Variants in CFHR4 observed in about 807,000 individuals in gnomAD.
CFHR4 encodes complement factor H-related protein 4.
A neutral mutation model predicts 69.3 loss-of-function variants in CFHR4; 64 were observed. That is an observed-to-expected ratio of 0.92 (90% CI 0.76 to 1.14). The LOEUF is 1.14. Among genes scored for constraint, CFHR4 ranks in the 50% most tolerant of loss-of-function variants. The pLI is 0.00. For synonymous variants in CFHR4, 244 were observed against 237.0 expected, an observed-to-expected ratio of 1.03 and a Z score of -0.27; for missense variants, 636 against 684.9, an observed-to-expected ratio of 0.93 and a Z score of 0.80.
chr1:196,907,494 C>T lies in CFHR4; in HGVS notation c.795C>T (p.Cys265=), dbSNP rs185902350. 3.5e-4 allele frequency: 569 copies of T among 1,606,262 alleles called. 23 individuals carry two copies. The African/African-American group carries it at 6.8e-3, about 19-fold the overall frequency. ...GAGACTGGTCAGAACCACCAAGATG[C>T]ATATGTAAGTTCTTAATATTCTGGA... ...SNGDWSEPPR[C]ISMKPCEFPE... Residue 265 remains cysteine, a synonymous_variant, in exon 5 of 10, where the codon TGC becomes TGT. Transcript: ENST00000608469.
rs190972894 is a variant in CFHR4 at position 196,913,427 on chromosome 1, T to C, written c.1180+505T>C. On this transcript the variant is annotated intron_variant, in intron 7 of 9. Coordinates refer to ENST00000608469, the MANE Select transcript of CFHR4 (RefSeq NM_001201550.3). The stretch of plus-strand genomic sequence containing the variant: ...GGATATCCAATCAAAAAATTATCTC[T>C]ACCCTATTGTTTACTACAGAGAAAA... Among the ~76,000 whole-genome samples the C allele has an allele frequency of 3.3e-3, 502 of 151,474 alleles. 18 individuals are homozygous for C. The highest frequency in any genetic ancestry group is 0.011 in the African/African-American group (469 of 41,140).
At chr1:196,897,549 T>C (rs1657368045) in intron 1 of CFHR4, among the ~76,000 whole-genome samples, 1 of 151,274 alleles carries the variant, frequency 6.6e-6, no homozygotes, top group South Asian at 2.1e-4. Context: ...TGGCGGTGGT[T>C]CTCAGCAAGT....
intron 5 of CFHR4, among the ~76,000 whole-genome samples, chr1:196,909,773 C>A (rs528576358): frequency 6.6e-6 from 1 of 151,310 alleles, no homozygotes; most frequent in Non-Finnish European, 1.5e-5. Context: ...CACCATGGCA[C>A]ACATTTACCT....
Position 196,912,943 on chromosome 1 carries a change from C to T in CFHR4, c.1180+21C>T, listed in dbSNP as rs1571448006. The T allele has an allele frequency of 5.0e-6, 8 of 1,610,588 alleles. No homozygotes were observed. In the East Asian group the frequency reaches 9.0e-5, roughly 18 times the overall value. On this transcript the variant is annotated intron_variant, in intron 7 of 9. Coordinates refer to ENST00000608469, the MANE Select transcript of CFHR4 (RefSeq NM_001201550.3). ...CATTAGTAAGTGATTTACATATTCCCATTCAGTTTCTGTCAACTTCGTTCC... is the reference window on the plus strand; with the variant it reads ...CATTAGTAAGTGATTTACATATTCCTATTCAGTTTCTGTCAACTTCGTTCC...
chr1:196,896,303 C>T (rs967249642), intron 1 of CFHR4, among the ~76,000 whole-genome samples: 1 of 151,136 alleles, frequency 6.6e-6, no homozygotes, highest in Non-Finnish European at 1.5e-5. Flanking sequence ...AGGTTGTCTC[C>T]AGTGTTTTCC....
chr1:196,902,518 C>T lies in CFHR4; in HGVS notation c.159C>T (p.Ser53=), dbSNP rs78951215. Residue 53 remains serine (S), a synonymous_variant, in exon 2 of 10, where the codon TCC becomes TCT. Transcript: ENST00000608469. ...CAGCAGCTGCAGGACAATCTTATTC[C>T]TATTACTGTGATCAAAATTTTGTGA... ...YFPAAAGQSY[S]YYCDQNFVTP... 1.3e-3 allele frequency: 2,023 copies of T among 1,611,046 alleles called. 87 individuals are homozygous for T. The African/African-American group carries it at 0.025, about 20-fold the overall frequency.
rs185107528 is a variant in CFHR4, at chr1:196,914,532, C to G, written c.1218C>G (p.Ala406=). The change falls in exon 8 of 10, where the codon GCC becomes GCG. Residue 406 remains alanine (A), a synonymous_variant. Coordinates refer to ENST00000608469, the MANE Select transcript of CFHR4 (RefSeq NM_001201550.3). ...TGCCTGTTTTTGAGAATTCCAGAGC[C>G]AAGAGTAATGGCATGCGGTTTAAGC... is the stretch of plus-strand genomic sequence containing the variant. ...CDMPVFENSR[A]KSNGMRFKLH... 10 of 1,606,434 alleles carry G rather than the reference C, an allele frequency of 6.2e-6. No individual in the cohort carries two copies. In the African/African-American group the frequency reaches 1.1e-4, roughly 17 times the overall value.
At chr1:196,913,823 G>A (rs1322284656) in intron 7 of CFHR4, among the ~76,000 whole-genome samples, 1 of 151,320 alleles carries the variant, frequency 6.6e-6, no homozygotes, top group African/African-American at 2.4e-5. Flanking sequence ...ACTAGGCTAA[G>A]TGAGAAAAAA....
chr1:196,902,303 A>G lies in CFHR4; in HGVS notation c.59-115A>G, dbSNP rs980665385. 3 of 743,242 alleles carry G rather than the reference A, an allele frequency of 4.0e-6. No homozygotes were observed. The Admixed American group carries it at 8.7e-5, about 22-fold the overall frequency. 46.0% of individuals were successfully genotyped at this position (743,242 alleles called of 1,614,324 possible). A position where few individuals can be genotyped will look rare whatever the true frequency, so the allele number is the denominator to read the frequency against. On this transcript the variant is annotated intron_variant, in intron 1 of 9. Coordinates refer to ENST00000608469, the MANE Select transcript of CFHR4 (RefSeq NM_001201550.3). ...ATTTCTGTAACTTTTCTTGCCCTAAAACCCCTAATTCATTACACTAAGAAG... is the reference window on the plus strand; with the variant it reads ...ATTTCTGTAACTTTTCTTGCCCTAAGACCCCTAATTCATTACACTAAGAAG...
rs759419901 is a variant in CFHR4, at chr1:196,912,733, A to G, written c.998-7A>G. 1.3e-5 allele frequency: 20 copies of G among 1,580,024 alleles called. No individual in the cohort carries two copies. Among genetic ancestry groups the G allele is most frequent in the Non-Finnish European group, 1.5e-5 (18 of 1,164,532 alleles). Reference sequence around the variant, plus strand: ...ATTTACTTTTTTCTCTACTTTTTCTATTTTAGGAACATGCTCAAAATCAGA... The same window carrying G: ...ATTTACTTTTTTCTCTACTTTTTCTGTTTTAGGAACATGCTCAAAATCAGA... On this transcript the variant is annotated splice_polypyrimidine_tract_variant and splice_region_variant and intron_variant, in intron 6 of 9. Coordinates refer to ENST00000608469, the MANE Select transcript of CFHR4 (RefSeq NM_001201550.3).
intron 5 of CFHR4, among the ~76,000 whole-genome samples, chr1:196,908,807 A>C (rs1375002987): frequency 6.6e-6 from 1 of 151,544 alleles, no homozygotes; most frequent in Non-Finnish European, 1.5e-5. Flanking sequence ...CCAAATGCTC[A>C]AGTTCCTAAG....
At chr1:196,898,727 T>A (rs1380744368) in intron 1 of CFHR4, among the ~76,000 whole-genome samples, 2 of 151,544 alleles carry the variant, frequency 1.3e-5, no homozygotes, top group Non-Finnish European at 2.9e-5. Flanking sequence ...ACTTTACTGT[T>A]TAGTTCTGTG....
At position 196,910,308 on chromosome 1, in the gene CFHR4, T is replaced by A. The variant is rs752827321; in HGVS notation, c.827T>A (p.Ile276Asn). The A allele has an allele frequency of 1.2e-6, 2 of 1,601,238 alleles. No individual in the cohort carries two copies. Among genetic ancestry groups the A allele is most frequent in the Non-Finnish European group, 1.7e-6 (2 of 1,173,160 alleles). ...ISMKPCEFPE[I>N]QHGHLYYENT... The stretch of plus-strand genomic sequence containing the variant: ...ATGAAACCTTGTGAGTTTCCAGAAA[T>A]TCAACATGGACATCTATATTATGAG... Residue 276 changes from isoleucine (I) to asparagine (N), a missense_variant, in exon 6 of 10, where the codon ATT becomes AAT. Physicochemically the swap from Ile to Asn is moderately radical, Grantham distance 149 (BLOSUM62 -3). This residue lies in a region of CFHR4 where 529 missense variants were observed against 533.2 expected (regional missense o/e 0.99). Transcript: ENST00000608469.
Position 196,888,228 on chromosome 1 carries a change from A to C in CFHR4, c.58+20A>C. On this transcript the variant is annotated intron_variant, in intron 1 of 9. Coordinates refer to ENST00000608469, the MANE Select transcript of CFHR4 (RefSeq NM_001201550.3). ...GACAAGGTAAGTTGAAAGAGATCTA[A>C]ACACTCAGCTTCCCTCTTAAATGTA... is the stretch of plus-strand genomic sequence containing the variant. 1 of 1,608,446 alleles carries C rather than the reference A, an allele frequency of 6.2e-7. No homozygotes were observed. The highest frequency in any genetic ancestry group is 8.5e-7 in the Non-Finnish European group (1 of 1,176,324).
At chr1:196,902,732 A>G in intron 2 of CFHR4, 117 bp downstream of exon 2, 3 of 744,268 alleles carry the variant, frequency 4.0e-6, no homozygotes, top group Non-Finnish European at 6.4e-6. Flanking sequence ...AGAGTTGTTC[A>G]AGCAAAAAGA....
rs779923402 is a variant in CFHR4, at chr1:196,902,506, A to C, written c.147A>C (p.Gly49=). 7 of 1,611,382 alleles carry C rather than the reference A, an allele frequency of 4.3e-6. No homozygotes were observed. Among genetic ancestry groups the C allele is most frequent in the Non-Finnish European group, 5.9e-6 (7 of 1,178,368 alleles). Residue 49 remains glycine, a synonymous_variant, in exon 2 of 10, where the codon GGA becomes GGC. Transcript: ENST00000608469. ...LRRLYFPAAA[G]QSYSYYCDQN... Reference sequence around the variant, plus strand: ...GACTATACTTTCCAGCAGCTGCAGGACAATCTTATTCCTATTACTGTGATC... The same window carrying C: ...GACTATACTTTCCAGCAGCTGCAGGCCAATCTTATTCCTATTACTGTGATC...
chr1:196,907,149 C>A, intron 4 of CFHR4, 112 bp downstream of exon 4: 1 of 1,196,818 alleles, frequency 8.4e-7, no homozygotes, highest in South Asian at 1.4e-5. Context: ...TACATGTAGT[C>A]CTCATTTGAG....
chr1:196,906,266 G>A (rs895924964), intron 3 of CFHR4, among the ~76,000 whole-genome samples: 2 of 151,390 alleles, frequency 1.3e-5, no homozygotes, highest in Non-Finnish European at 2.9e-5. Context: ...AGGTTTGGGA[G>A]CTATAAAATA....
Position 196,900,624 on chromosome 1 carries a change from C to T in CFHR4, c.59-1794C>T, listed in dbSNP as rs183446752. Among the ~76,000 whole-genome samples, 5 of 151,352 alleles carry T rather than the reference C, an allele frequency of 3.3e-5. 1 individual carries two copies. The highest frequency in any genetic ancestry group is 1.3e-4 in the Admixed American group (2 of 15,178). On this transcript the variant is annotated intron_variant, in intron 1 of 9. Transcript: ENST00000608469. Reference sequence around the variant, plus strand: ...AATTTTAATTGAGTTTTTTAAGGCTCACTTCCTGCAAATCCAAAGACTCAA... The same window carrying T: ...AATTTTAATTGAGTTTTTTAAGGCTTACTTCCTGCAAATCCAAAGACTCAA...
Sources: allele counts gnomAD v4.1 joint callset (sites outside exome capture counted in the v4.1 genomes callset), GRCh38; gene constraint gnomAD v4.1.1; regional missense constraint gnomAD v4.1.1; transcripts MANE v1.5; gene names NCBI Gene and HGNC (gene_info 2026-07-23, HGNC 2026-07-21).